Variants in CPQ observed in about 807,000 individuals in gnomAD.
CPQ encodes the protein Ser-Met dipeptidase.
CPQ carries 37 observed loss-of-function variants against 45.7 expected under a neutral mutation model. The ratio of observed to expected loss-of-function variants is 0.81; its 90% CI spans 0.62 to 1.07. The LOEUF (loss-of-function observed/expected upper bound fraction) is 1.07. CPQ is among the 50% of genes least tolerant of loss of function. The pLI is 0.00. For synonymous variants in CPQ, 186 were observed against 205.8 expected (o/e 0.90, Z 0.82); for missense variants, 537 against 572.9 (o/e 0.94, Z 0.64).
At chr8:96,744,208 C>T (rs1184988938) in intron 1 of CPQ, among the ~76,000 whole-genome samples, 8 of 152,236 alleles carry the variant, frequency 5.3e-5, no homozygotes, top group Admixed American at 6.5e-5. Context: ...GTCGGAAAAG[C>T]GCAGTATTAG....
chr8:96,899,548 T>C (rs1055387643), intron 4 of CPQ, among the ~76,000 whole-genome samples: 1 of 151,962 alleles, frequency 6.6e-6, no homozygotes, highest in Admixed American at 6.6e-5. Flanking sequence ...CTTACAATCA[T>C]GGTGAAGGTG....
chr8:96,920,730 G>C (rs1812794864), intron 4 of CPQ, among the ~76,000 whole-genome samples: 1 of 152,066 alleles, frequency 6.6e-6, no homozygotes, highest in Non-Finnish European at 1.5e-5. Context: ...GAAGAAATTT[G>C]GACACACAAA....
chr8:97,029,071 C>T (rs113291987), intron 5 of CPQ, among the ~76,000 whole-genome samples: 245 of 152,308 alleles, frequency 1.6e-3, no homozygotes, highest in African/African-American at 5.6e-3. Flanking sequence ...ACTGCATCTT[C>T]CAGATATGAT....
At chr8:97,122,561 G>A (rs1811723602) in intron 7 of CPQ, among the ~76,000 whole-genome samples, 1 of 152,132 alleles carries the variant, frequency 6.6e-6, no homozygotes, top group Non-Finnish European at 1.5e-5. Flanking sequence ...TGGGAACTCA[G>A]ATTTGCACAA....
At chr8:96,867,474 T>C (rs1340990456) in intron 3 of CPQ, among the ~76,000 whole-genome samples, 2 of 152,006 alleles carry the variant, frequency 1.3e-5, no homozygotes, top group African/African-American at 4.8e-5. Flanking sequence ...GCAATCAAAC[T>C]TAACAGCTTT....
At chr8:96,856,899 T>A (rs1351129411) in intron 3 of CPQ, among the ~76,000 whole-genome samples, 1 of 152,188 alleles carries the variant, frequency 6.6e-6, no homozygotes, top group East Asian at 1.9e-4. Flanking sequence ...CTTCGTGTAG[T>A]GCTAAGAAGA....
intron 1 of CPQ, among the ~76,000 whole-genome samples, chr8:96,663,369 G>A (rs1193045616): frequency 6.6e-6 from 1 of 152,220 alleles, no homozygotes; most frequent in Non-Finnish European, 1.5e-5. Context: ...GTCAATGGAA[G>A]AAATGTTTGT....
At chr8:96,880,518 C>CATATATAT (rs200512558) in intron 4 of CPQ, among the ~76,000 whole-genome samples, 13 of 97,332 alleles carry the variant, frequency 1.3e-4, no homozygotes, top group East Asian at 2.8e-4. Context: ...AATATATGGT[C>CATATATAT]ATATATATAT....
At chr8:96,838,378 C>T (rs536520097) in intron 3 of CPQ, among the ~76,000 whole-genome samples, 34 of 152,196 alleles carry the variant, frequency 2.2e-4, no homozygotes, top group Non-Finnish European at 4.0e-4. Context: ...GAGTTCTCTG[C>T]AGAGTCTTCT....
intron 6 of CPQ, among the ~76,000 whole-genome samples, chr8:97,035,783 C>G (rs1402307002): frequency 6.6e-6 from 1 of 152,180 alleles, no homozygotes; most frequent in Non-Finnish European, 1.5e-5. Flanking sequence ...TCTCGGCTCA[C>G]TGCAACCTCC....
chr8:96,963,434 T>TC (rs1813497138), intron 4 of CPQ, among the ~76,000 whole-genome samples: 1 of 152,194 alleles, frequency 6.6e-6, no homozygotes, highest in African/African-American at 2.4e-5. Context: ...GTTTGGGGGA[T>TC]TGTGCTTGTT....
At chr8:96,787,331 C>T (rs1368937677) in intron 2 of CPQ, among the ~76,000 whole-genome samples, 1 of 151,940 alleles carries the variant, frequency 6.6e-6, no homozygotes, top group Non-Finnish European at 1.5e-5. Context: ...TATTCTTTCT[C>T]CTTTAATTCG....
chr8:96,704,870 T>G (rs77188955), intron 1 of CPQ, among the ~76,000 whole-genome samples: 3,658 of 152,190 alleles, frequency 0.024, 163 homozygotes, highest in African/African-American at 0.083. Context: ...GAAACATCCA[T>G]TTGGAGGTAT....
intron 4 of CPQ, among the ~76,000 whole-genome samples, chr8:96,964,345 A>G (rs1323760290): frequency 2.0e-5 from 3 of 152,032 alleles, no homozygotes; most frequent in African/African-American, 7.2e-5. Flanking sequence ...CAAGAGTTCC[A>G]GTTGCTCTAC....
At chr8:96,816,798 T>C (rs1586412067) in intron 2 of CPQ, among the ~76,000 whole-genome samples, 1 of 152,226 alleles carries the variant, frequency 6.6e-6, no homozygotes, top group Admixed American at 6.5e-5. Flanking sequence ...TTAGCAGTAA[T>C]ATTTTGAAAG....
At chr8:97,059,327 G>A (rs1810508364) in intron 6 of CPQ, among the ~76,000 whole-genome samples, 1 of 152,142 alleles carries the variant, frequency 6.6e-6, no homozygotes, top group African/African-American at 2.4e-5. Flanking sequence ...TAGATCCACA[G>A]AGGCTCCTGC....
chr8:96,743,672 G>T (rs1361021779), intron 1 of CPQ, among the ~76,000 whole-genome samples: 1 of 152,166 alleles, frequency 6.6e-6, no homozygotes, highest in African/African-American at 2.4e-5. Context: ...TGTCCTTTCT[G>T]TTTCTTAGTT....
intron 3 of CPQ, among the ~76,000 whole-genome samples, chr8:96,849,760 C>T (rs1236916404): frequency 6.6e-6 from 1 of 152,188 alleles, no homozygotes; most frequent in South Asian, 2.1e-4. Flanking sequence ...CTATGTTTTA[C>T]TGGCCTGATC....
intron 1 of CPQ, among the ~76,000 whole-genome samples, chr8:96,670,331 T>A (rs367646863): frequency 0.018 from 2,706 of 151,332 alleles, 46 homozygotes; most frequent in African/African-American, 0.024. Flanking sequence ...TTTTTTTTTT[T>A]TTTTTTGGCT....
Sources: allele counts gnomAD v4.1 joint callset (sites outside exome capture counted in the v4.1 genomes callset), GRCh38; gene constraint gnomAD v4.1.1; transcripts MANE v1.5; gene names NCBI Gene and HGNC (gene_info 2026-07-23, HGNC 2026-07-21).